NBAS: variants seen among roughly 807,000 people sequenced by gnomAD.
The protein encoded by NBAS is NAG/BC035112 fusion.
NBAS carries 219 observed loss-of-function variants against 302.5 expected under a neutral mutation model. That is an observed-to-expected ratio of 0.72 (90% CI 0.65 to 0.81). The LOEUF (loss-of-function observed/expected upper bound fraction) is 0.81, where lower values mean the gene tolerates loss of function less well. NBAS is among the 30% of genes least tolerant of loss of function. The pLI is 0.00. For synonymous variants in NBAS, 1,118 were observed against 1,021.6 expected (o/e 1.09, Z -1.80); for missense variants, 2,932 against 2,841.6 (o/e 1.03, Z -0.72).
chr2:15,553,278 G>A (rs773024694), intron 5 of NBAS, 148 bp downstream of exon 5: 26 of 718,244 alleles, frequency 3.6e-5, no homozygotes, highest in Middle Eastern at 3.8e-4. Context: ...TTTAACTGGC[G>A]TAAGTTGGTG....
At chr2:14,938,428 C>T in the NBAS span, among the ~76,000 whole-genome samples, 1 of 152,144 alleles carries the variant, frequency 6.6e-6, no homozygotes, top group African/African-American at 2.4e-5. Flanking sequence ...TAAATGATGT[C>T]AAAACAGTTT....
chr2:15,420,572 G>GTAAA (rs1677162882), intron 23 of NBAS, among the ~76,000 whole-genome samples: 1 of 152,124 alleles, frequency 6.6e-6, no homozygotes, highest in Non-Finnish European at 1.5e-5. Flanking sequence ...AGTAAAGAAG[G>GTAAA]AGAGGTAAAA....
At chr2:14,821,779 G>T in the NBAS span, among the ~76,000 whole-genome samples, 1 of 152,056 alleles carries the variant, frequency 6.6e-6, no homozygotes, top group Non-Finnish European at 1.5e-5. Flanking sequence ...TTTGGAGGCC[G>T]AGGCAGGTGG....
At chr2:14,918,327 A>AAAAAAAAAG in the NBAS span, among the ~76,000 whole-genome samples, 1 of 126,766 alleles carries the variant, frequency 7.9e-6, no homozygotes. Context: ...AAAAAAAAAA[A>AAAAAAAAAG]AAACAATGTA....
chr2:14,965,884 G>C, the NBAS span, among the ~76,000 whole-genome samples: 1 of 152,112 alleles, frequency 6.6e-6, no homozygotes, highest in Non-Finnish European at 1.5e-5. Flanking sequence ...TGTAACCCTT[G>C]GTACTTGTGA....
At chr2:15,386,942 C>T (rs1039794459) in intron 28 of NBAS, among the ~76,000 whole-genome samples, 3 of 151,962 alleles carry the variant, frequency 2.0e-5, no homozygotes, top group Non-Finnish European at 4.4e-5. Context: ...CCCTCTGGAC[C>T]AGGGAGGTAC....
chr2:15,195,045 A>G (rs1665554159), intron 48 of NBAS, among the ~76,000 whole-genome samples: 1 of 152,220 alleles, frequency 6.6e-6, no homozygotes, highest in Admixed American at 6.5e-5. Flanking sequence ...AATCAATCAC[A>G]TTGTTATATA....
At chr2:15,440,352 A>G (rs1678304671) in intron 21 of NBAS, among the ~76,000 whole-genome samples, 1 of 152,208 alleles carries the variant, frequency 6.6e-6, no homozygotes, top group African/African-American at 2.4e-5. Flanking sequence ...GCGGTTCACG[A>G]AAAACCGCTA....
At chr2:14,786,427 T>G in the NBAS span, among the ~76,000 whole-genome samples, 2 of 152,242 alleles carry the variant, frequency 1.3e-5, no homozygotes, top group Non-Finnish European at 2.9e-5. Context: ...GTGTCAATTT[T>G]GGATCTTTCC....
chr2:15,359,644 T>TC (rs1465942503), intron 32 of NBAS, among the ~76,000 whole-genome samples: 2 of 152,208 alleles, frequency 1.3e-5, no homozygotes, highest in East Asian at 3.8e-4. Flanking sequence ...CATATTCCTT[T>TC]ACTTTTCACT....
At chr2:15,381,640 T>A (rs1373678054) in intron 29 of NBAS, among the ~76,000 whole-genome samples, 1 of 152,180 alleles carries the variant, frequency 6.6e-6, no homozygotes, top group South Asian at 2.1e-4. Flanking sequence ...AAACACTACC[T>A]CAAACACACT....
At chr2:15,446,580 A>G (rs367620190) in intron 21 of NBAS, among the ~76,000 whole-genome samples, 2 of 152,172 alleles carry the variant, frequency 1.3e-5, no homozygotes, top group African/African-American at 4.8e-5. Context: ...CTAGATATAA[A>G]TTGTATCTAC....
At chr2:15,523,406 A>C (rs1388134766) in intron 9 of NBAS, among the ~76,000 whole-genome samples, 1 of 152,200 alleles carries the variant, frequency 6.6e-6, no homozygotes, top group Non-Finnish European at 1.5e-5. Context: ...TAAACAATAC[A>C]GTATGACAAC....
chr2:15,277,232 C>A, intron 42 of NBAS, 131 bp from the exon 43 acceptor site: 1 of 1,119,912 alleles, frequency 8.9e-7, no homozygotes, highest in Non-Finnish European at 1.3e-6. Flanking sequence ...CAGTAAACCA[C>A]CACCAGAAGC....
At chr2:15,077,825 A>T in the NBAS span, among the ~76,000 whole-genome samples, 1 of 151,940 alleles carries the variant, frequency 6.6e-6, no homozygotes, top group African/African-American at 2.4e-5. Flanking sequence ...CTGGGGTTAT[A>T]GGCACGCACC....
rs145980852 is a variant in NBAS at position 15,523,871 on chromosome 2, G to A, written c.746+10672C>T. The stretch of plus-strand genomic sequence containing the variant: ...AGATGTTGTAGTAAGCCGAGATCAC[G>A]CCACTGCACTCCAGCCTGGGGAACA... On this transcript the variant is annotated intron_variant, in intron 9 of 51. Coordinates refer to ENST00000281513, the MANE Select transcript of NBAS (RefSeq NM_015909.4). Among the ~76,000 whole-genome samples the A allele has an allele frequency of 7.9e-3, 1,195 of 152,212 alleles. 19 individuals carry two copies. The highest frequency in any genetic ancestry group is 0.057 in the East Asian group (295 of 5,186).
the NBAS span, among the ~76,000 whole-genome samples, chr2:14,822,907 A>G: frequency 6.6e-6 from 1 of 152,124 alleles, no homozygotes; most frequent in Admixed American, 6.5e-5. Context: ...ACTCCTCATC[A>G]CTTCCCTAAG....
At chr2:14,807,650 G>A in the NBAS span, among the ~76,000 whole-genome samples, 1 of 152,092 alleles carries the variant, frequency 6.6e-6, no homozygotes, top group Non-Finnish European at 1.5e-5. Flanking sequence ...TTTAAAACAT[G>A]TAGTACAGCT....
the NBAS span, among the ~76,000 whole-genome samples, chr2:14,907,192 G>A: frequency 6.6e-6 from 1 of 152,258 alleles, no homozygotes; most frequent in African/African-American, 2.4e-5. Context: ...GTCTCTAGTT[G>A]GGCCAGCCTC....
Sources: allele counts gnomAD v4.1 joint callset (sites outside exome capture counted in the v4.1 genomes callset), GRCh38; gene constraint gnomAD v4.1.1; transcripts MANE v1.5; gene names NCBI Gene and HGNC (gene_info 2026-07-23, HGNC 2026-07-21).